SORCS2: variants seen among roughly 807,000 people sequenced by gnomAD.
SORCS2 encodes VPS10 domain-containing receptor SorCS2.
In SORCS2, 100 loss-of-function variants were observed where a neutral mutation model predicts 141.6. That is an observed-to-expected ratio of 0.71 (90% confidence interval 0.60 to 0.83). The LOEUF is 0.83. Ranked by LOEUF, SORCS2 falls within the 40% of genes least tolerant of loss-of-function variation. The pLI, the probability that SORCS2 is intolerant of heterozygous loss-of-function variation, is 0.00. For synonymous variants in SORCS2, 789 were observed against 676.9 expected, an observed-to-expected ratio of 1.17 and a Z score of -2.57; for missense variants, 1,646 against 1,560.2, an observed-to-expected ratio of 1.05 and a Z score of -0.93.
intron 2 of SORCS2, among the ~76,000 whole-genome samples, chr4:7,400,126 AC>A (rs1021860267): frequency 1.3e-5 from 2 of 151,532 alleles, no homozygotes; most frequent in Non-Finnish European, 2.9e-5. Flanking sequence ...TACAAGCCAT[AC>A]CCCCTGCAAA....
At chr4:7,427,656 C>A (rs1054976416) in intron 2 of SORCS2, among the ~76,000 whole-genome samples, 1 of 152,072 alleles carries the variant, frequency 6.6e-6, no homozygotes, top group East Asian at 1.9e-4. Context: ...GGATCTGCTT[C>A]GTGTGAGACT....
intron 1 of SORCS2, among the ~76,000 whole-genome samples, chr4:7,194,914 A>C (rs1727078978): frequency 6.6e-6 from 1 of 152,164 alleles, no homozygotes; most frequent in Admixed American, 6.5e-5. Flanking sequence ...TTTGTCATTT[A>C]GCTTCCTGGG....
At position 7,475,381 on chromosome 4, in the gene SORCS2, A is replaced by T. The variant is rs186200320; in HGVS notation, c.549-56149A>T. Among the ~76,000 whole-genome samples the T allele has an allele frequency of 3.5e-3, 527 of 152,282 alleles. 7 individuals carry two copies. Among genetic ancestry groups the T allele is most frequent in the Non-Finnish European group, 2.9e-3 (197 of 68,020 alleles). On this transcript the variant is annotated intron_variant, in intron 2 of 26. Transcript: ENST00000507866. ...GAGGGGGCGAGCAAGGAGGAAGTCC[A>T]AGTGTGAGGAGGCCCGGATGCCTCT...
At chr4:7,398,162 G>A (rs1724338880) in intron 2 of SORCS2, among the ~76,000 whole-genome samples, 1 of 152,238 alleles carries the variant, frequency 6.6e-6, no homozygotes, top group African/African-American at 2.4e-5. Context: ...CTTGTGCGGT[G>A]GGGGTGGGGT....
In SORCS2 at chr4:7,305,094, T is replaced by C. The variant is rs954372646; in HGVS notation, c.481-91194T>C. On this transcript the variant is annotated intron_variant, in intron 1 of 26. Coordinates refer to ENST00000507866, the MANE Select transcript of SORCS2 (RefSeq NM_020777.3). ...TTTGCCCAGGCTGGAGTGCAGTGAG[T>C]GATCTCAGCTCACTGCAAGCTCCGC... is the stretch of plus-strand genomic sequence containing the variant. Among the ~76,000 whole-genome samples the C allele has an allele frequency of 4.0e-5, 6 of 150,134 alleles. No homozygotes were observed. In the East Asian group the frequency reaches 7.9e-4, roughly 20 times the overall value.
chr4:7,228,182 T>C (rs1376842630), intron 1 of SORCS2, among the ~76,000 whole-genome samples: 1 of 152,206 alleles, frequency 6.6e-6, no homozygotes, highest in Non-Finnish European at 1.5e-5. Flanking sequence ...TCGCAGATGC[T>C]GTCTTCTCCC....
chr4:7,237,766 A>G lies in SORCS2; in HGVS notation c.480+44640A>G, dbSNP rs769709593. ...AGTTTACGTCAGATCCTGATTGACA[A>G]AGCTCTTTGGAACAGGCAGAACGAT... On this transcript the variant is annotated intron_variant, in intron 1 of 26. Transcript: ENST00000507866. Among the ~76,000 whole-genome samples the G allele has an allele frequency of 1.3e-4, 20 of 152,030 alleles. 1 individual carries two copies. The highest frequency in any genetic ancestry group is 2.4e-4 in the Non-Finnish European group (16 of 68,012).
chr4:7,599,588 C>A (rs559120258), intron 3 of SORCS2, among the ~76,000 whole-genome samples: 4 of 152,326 alleles, frequency 2.6e-5, no homozygotes, highest in Non-Finnish European at 5.9e-5. Flanking sequence ...GTCCCTGCTT[C>A]CCTGCAAACT....
chr4:7,563,379 G>A (rs866553165), intron 3 of SORCS2, among the ~76,000 whole-genome samples: 8 of 152,122 alleles, frequency 5.3e-5, no homozygotes, highest in Non-Finnish European at 7.4e-5. Flanking sequence ...ATAAAACTGA[G>A]GCCCGGGGGA....
At chr4:7,718,212 G>A (rs774411008) in intron 18 of SORCS2, 29 bp downstream of exon 18, 9 of 1,596,714 alleles carry the variant, frequency 5.6e-6, no homozygotes, top group Non-Finnish European at 6.0e-6. Flanking sequence ...GCAGGCTCCT[G>A]GGACTGTCGG....
chr4:7,365,822 G>A (rs1721849861), intron 1 of SORCS2, among the ~76,000 whole-genome samples: 1 of 152,168 alleles, frequency 6.6e-6, no homozygotes, highest in Admixed American at 6.5e-5. Flanking sequence ...AGCGAGCCAG[G>A]CACCTTCTTT....
At chr4:7,421,323 T>C (rs561750232) in intron 2 of SORCS2, among the ~76,000 whole-genome samples, 1 of 152,336 alleles carries the variant, frequency 6.6e-6, no homozygotes, top group South Asian at 2.1e-4. Flanking sequence ...GAGAGGTGGC[T>C]AAGAACGCAG....
intron 12 of SORCS2, among the ~76,000 whole-genome samples, chr4:7,697,960 T>G (rs763553120): frequency 1.2e-4 from 18 of 152,154 alleles, no homozygotes; most frequent in Non-Finnish European, 2.1e-4. Context: ...GAGCTCAGAT[T>G]CGCAGACCAG....
At chr4:7,238,815 C>T (rs1013723062) in intron 1 of SORCS2, among the ~76,000 whole-genome samples, 6 of 152,320 alleles carry the variant, frequency 3.9e-5, no homozygotes, top group African/African-American at 1.4e-4. Context: ...CTGGTGCACA[C>T]GGCCTCCCTG....
At chr4:7,212,312 G>A (rs917825293) in intron 1 of SORCS2, among the ~76,000 whole-genome samples, 18 of 152,210 alleles carry the variant, frequency 1.2e-4, no homozygotes, top group Admixed American at 9.2e-4. Flanking sequence ...CGGGGAACAC[G>A]TTCCTGTTTC....
rs1449553122 is a variant in SORCS2 at position 7,674,584 on chromosome 4, A to T, written c.1162-1466A>T. 3.8e-4 allele frequency among the ~76,000 whole-genome samples: 33 copies of T among 86,606 alleles called. No individual in the cohort carries two copies. In the East Asian group the frequency reaches 7.6e-3, roughly 20 times the overall value. The allele number at this position is 86,606 out of a possible 152,430, so 56.8% of individuals were successfully genotyped here. A position where few individuals can be genotyped will look rare whatever the true frequency, so the allele number is the denominator to read the frequency against. The stretch of plus-strand genomic sequence containing the variant: ...GCGAGACTCTGTCTCAAAATAAAAA[A>T]AAAAAAAAAAAAAAAAAAAAAGCAA... On this transcript the variant is annotated intron_variant, in intron 8 of 26. Transcript: ENST00000507866.
intron 3 of SORCS2, among the ~76,000 whole-genome samples, chr4:7,543,988 CCA>C (rs1560373986): frequency 2.0e-5 from 3 of 150,438 alleles, no homozygotes; most frequent in African/African-American, 7.4e-5. Context: ...ATCCGTCCAT[CCA>C]TCCACTCATC....
intron 3 of SORCS2, among the ~76,000 whole-genome samples, chr4:7,597,962 C>CTTTT (rs902858065): frequency 9.8e-5 from 9 of 91,516 alleles, no homozygotes; most frequent in African/African-American, 2.1e-4. Context: ...TTCAGCTAAT[C>CTTTT]TTTTTTTTTT....
intron 1 of SORCS2, among the ~76,000 whole-genome samples, chr4:7,194,970 C>T (rs1360208998): frequency 6.6e-6 from 1 of 152,024 alleles, no homozygotes; most frequent in African/African-American, 2.4e-5. Context: ...TGACATCCAG[C>T]CTGCCCCTGT....
Sources: allele counts gnomAD v4.1 joint callset (sites outside exome capture counted in the v4.1 genomes callset), GRCh38; gene constraint gnomAD v4.1.1; transcripts MANE v1.5; gene names NCBI Gene and HGNC (gene_info 2026-07-23, HGNC 2026-07-21).